IFT20: variants seen among roughly 807,000 people sequenced by gnomAD.
IFT20 encodes the protein intraflagellar transport protein 20 homolog.
Under a neutral mutation model 16.9 loss-of-function variants are expected in IFT20, and 4 were observed. That is an observed-to-expected ratio of 0.24 (90% CI 0.12 to 0.54). The LOEUF (loss-of-function observed/expected upper bound fraction) is 0.54. Ranked by LOEUF, IFT20 falls within the 20% of genes least tolerant of loss-of-function variation. IFT20 has a pLI of 0.95. For missense variants in IFT20, 154 were observed against 149.7 expected (o/e 1.03, Z -0.15); for synonymous variants, 48 against 49.9 (o/e 0.96, Z 0.16).
At chr17:28,328,890 A>G (rs573496100) in intron 4 of IFT20, 157 bp from the exon 5 acceptor site, 2 of 652,814 alleles carry the variant, frequency 3.1e-6, no homozygotes, top group African/African-American at 1.8e-5. Flanking sequence ...AGAGCCACCC[A>G]TGAGAAATCT....
intron 3 of IFT20, chr17:28,330,014 C>G: frequency 2.2e-6 from 1 of 463,730 alleles, no homozygotes; most frequent in Non-Finnish European, 3.8e-6. Flanking sequence ...GAGCCAAGAT[C>G]GCACCATTGC....
At chr17:28,334,167 T>C (rs1217035443) in intron 1 of IFT20, among the ~76,000 whole-genome samples, 2 of 152,146 alleles carry the variant, frequency 1.3e-5, no homozygotes, top group Admixed American at 1.3e-4. Context: ...GATATTACTA[T>C]AAGGAAAAGT....
At chr17:28,331,167 C>G (rs1314509723) in intron 2 of IFT20, among the ~76,000 whole-genome samples, 1 of 152,258 alleles carries the variant, frequency 6.6e-6, no homozygotes, top group Non-Finnish European at 1.5e-5. Flanking sequence ...TAATCTCCCA[C>G]TCACTTTCTC....
chr17:28,331,615 A>G (rs1906785104), intron 2 of IFT20: 2 of 489,724 alleles, frequency 4.1e-6, no homozygotes. Context: ...CAAGAAATGA[A>G]AGATGGCATA....
intron 3 of IFT20, chr17:28,330,074 AAAT>A: frequency 1.8e-6 from 1 of 558,874 alleles, no homozygotes; most frequent in Non-Finnish European, 3.1e-6. Flanking sequence ...AAAAAAAAAA[AAAT>A]ACAAAAACCT....
chr17:28,330,588 G>C (rs1474198820), intron 2 of IFT20, 60 bp from the exon 3 acceptor site: 8 of 1,151,828 alleles, frequency 6.9e-6, no homozygotes, highest in Non-Finnish European at 1.0e-5. Context: ...CCCTTCGGTA[G>C]AGTGCTAAGG....
Position 28,330,487 on chromosome 17 carries a change from G to A in IFT20, c.169C>T (p.Leu57Phe). 2.5e-6 allele frequency: 4 copies of A among 1,613,764 alleles called. No homozygotes were observed. The highest frequency in any genetic ancestry group is 3.4e-6 in the Non-Finnish European group (4 of 1,179,686). The change falls in exon 3 of 5, where the codon CTT (leucine) becomes TTT (phenylalanine). Residue 57 changes from leucine (L) to phenylalanine (F), a missense_variant. By Grantham distance (22) the Leu-to-Phe change is conservative (BLOSUM62 0). Transcript: ENST00000395418. ...FQKIVGGLIE[L>F]VDQLAKEAEN... Reference sequence around the variant, plus strand: ...GCTTCTTTTGCAAGTTGATCAACAAGCTCAATTAAACCACCAACTATTTTC... The same window carrying A: ...GCTTCTTTTGCAAGTTGATCAACAAACTCAATTAAACCACCAACTATTTTC...
intron 2 of IFT20, chr17:28,331,368 A>G (rs1453348283): frequency 6.1e-6 from 1 of 163,216 alleles, no homozygotes; most frequent in Non-Finnish European, 1.3e-5. Context: ...CTGTACGGGC[A>G]TTGGGCTTGC....
At chr17:28,333,201 T>A (rs1311030516) in intron 1 of IFT20, among the ~76,000 whole-genome samples, 2 of 152,038 alleles carry the variant, frequency 1.3e-5, no homozygotes, top group African/African-American at 4.8e-5. Flanking sequence ...AAAACCCAGG[T>A]GCTCCAAAGT....
rs1906540868 is a variant in IFT20, at chr17:28,329,049, T to A, written c.317+124A>T. 2.0e-5 allele frequency: 14 copies of A among 711,418 alleles called. No homozygotes were observed. In the East Asian group the frequency reaches 3.6e-4, roughly 18 times the overall value. 44.1% of individuals were successfully genotyped at this position (711,418 alleles called of 1,614,324 possible). ...ATTTTTTAAAATCTTCAAATCAGGA[T>A]GACAAGTGAGATGCTATTCCTGGGA... On this transcript the variant is annotated intron_variant, in intron 4 of 4. Coordinates refer to ENST00000395418, the MANE Select transcript of IFT20 (RefSeq NM_001267776.2).
rs1465489852 is a variant in IFT20, at chr17:28,329,280, C to G, written c.214-4G>C. The G allele has an allele frequency of 7.4e-6, 12 of 1,611,160 alleles. No individual in the cohort carries two copies. The highest frequency in any genetic ancestry group is 1.3e-5 in the African/African-American group (1 of 74,794). ...GCAAGTTCCGAGCACCGATGGCCTACAGTATTGCCAGAGAAGGCCATGGCT... is the reference window on the plus strand; with the variant it reads ...GCAAGTTCCGAGCACCGATGGCCTAGAGTATTGCCAGAGAAGGCCATGGCT... On this transcript the variant is annotated splice_polypyrimidine_tract_variant and splice_region_variant and intron_variant, in intron 3 of 4. Transcript: ENST00000395418.
At chr17:28,331,796 G>C in intron 2 of IFT20, 63 bp downstream of exon 2, 3 of 1,604,824 alleles carry the variant, frequency 1.9e-6, no homozygotes, top group Non-Finnish European at 2.6e-6. Flanking sequence ...GCCAAGATGA[G>C]CCTGGGGTAC....
chr17:28,334,651 C>T (rs1261821839), intron 1 of IFT20, among the ~76,000 whole-genome samples: 1 of 152,248 alleles, frequency 6.6e-6, no homozygotes, highest in Non-Finnish European at 1.5e-5. Flanking sequence ...AACCCTAGCA[C>T]CTAGCATGGT....
intron 1 of IFT20, among the ~76,000 whole-genome samples, chr17:28,333,600 C>A (rs1906932921): frequency 1.3e-5 from 2 of 152,194 alleles, no homozygotes; most frequent in Non-Finnish European, 2.9e-5. Context: ...CCTTTTGAAG[C>A]ATTTTGTTCA....
Position 28,330,496 on chromosome 17 carries a change from A to G in IFT20, c.160T>C (p.Leu54=). 1 of 1,613,720 alleles carries G rather than the reference A, an allele frequency of 6.2e-7. No individual in the cohort carries two copies. The highest frequency in any genetic ancestry group is 8.5e-7 in the Non-Finnish European group (1 of 1,179,660). Residue 54 remains leucine (L), a synonymous_variant, in exon 3 of 5, where the codon TTA becomes CTA. Coordinates refer to ENST00000395418, the MANE Select transcript of IFT20 (RefSeq NM_001267776.2). ...IGQFQKIVGG[L]IELVDQLAKE... ...GCAAGTTGATCAACAAGCTCAATTA[A>G]ACCACCAACTATTTTCTGAAACTGG...
intron 1 of IFT20, chr17:28,332,503 T>C: frequency 3.2e-6 from 1 of 313,226 alleles, no homozygotes; most frequent in Non-Finnish European, 6.1e-6. Context: ...GTGAACTAAG[T>C]TGTAAGCCAT....
Position 28,328,493 on chromosome 17 carries a change from C to T in IFT20, c.*159G>A, listed in dbSNP as rs1906475232. 9 of 643,118 alleles carry T rather than the reference C, an allele frequency of 1.4e-5. No homozygotes were observed. The highest frequency in any genetic ancestry group is 2.5e-5 in the Non-Finnish European group (9 of 358,456). 39.8% of individuals were successfully genotyped at this position (643,118 alleles called of 1,614,324 possible). On this transcript the variant is annotated 3_prime_UTR_variant, in exon 5 of 5. Coordinates refer to ENST00000395418, the MANE Select transcript of IFT20 (RefSeq NM_001267776.2). The stretch of plus-strand genomic sequence containing the variant: ...TGCACTGATGTTAAAACTGGCTCCC[C>T]CAGACTTGTAGTGCTGTCTTCAGGG...
rs745877766 is a variant in IFT20, at chr17:28,329,152, C to A, written c.317+21G>T. On this transcript the variant is annotated intron_variant, in intron 4 of 4. Transcript: ENST00000395418. ...GAAATTCAGCTGTGTAAAGAACTTG[C>A]TTTACATCATGACTTCTTACCTTTC... 1.3e-5 allele frequency: 21 copies of A among 1,555,660 alleles called. No homozygotes were observed. The South Asian group carries it at 1.9e-4, about 14-fold the overall frequency.
intron 2 of IFT20, chr17:28,331,657 G>C: frequency 1.7e-6 from 1 of 576,484 alleles, no homozygotes; most frequent in Non-Finnish European, 3.1e-6. Flanking sequence ...CCATCCCGGT[G>C]TTTGGTTTGA....
Sources: allele counts gnomAD v4.1 joint callset (sites outside exome capture counted in the v4.1 genomes callset), GRCh38; gene constraint gnomAD v4.1.1; transcripts MANE v1.5; gene names NCBI Gene and HGNC (gene_info 2026-07-23, HGNC 2026-07-21).